The following CMYA5 variants were observed in gnomAD, a reference collection of about 807,000 sequenced individuals.
The protein encoded by CMYA5 is cardiomyopathy-associated protein 5.
Under a neutral mutation model 318.9 loss-of-function variants are expected in CMYA5, and 246 were observed. The observed-to-expected ratio is 0.77, with a 90% CI of 0.70 to 0.86. The LOEUF is 0.86. Ranked by LOEUF, CMYA5 falls within the 40% of genes least tolerant of loss-of-function variation. The probability of loss-of-function intolerance (pLI) is 0.00; values close to 1 mark genes in which losing one functional copy is unlikely to be tolerated. For synonymous variants in CMYA5, 1,641 were observed against 1,729.5 expected (o/e 0.95, Z 1.27); for missense variants, 4,589 against 4,678.2 (o/e 0.98, Z 0.56).
intron 3 of CMYA5, 99 bp from the exon 4 acceptor site, chr5:79,745,110 TGATCAGGATGCCA>T: frequency 1.5e-6 from 1 of 665,458 alleles, no homozygotes; most frequent in Non-Finnish European, 2.6e-6. Context: ...TCTGATTCTC[TGATCAGGATGCCA>T]GAGGTCAATT....
intron 1 of CMYA5, among the ~76,000 whole-genome samples, chr5:79,720,428 ATTTTTTTTT>A (rs1159659122): frequency 4.5e-5 from 2 of 44,850 alleles, no homozygotes; most frequent in Non-Finnish European, 8.7e-5. Context: ...TGCCAATCTA[ATTTTTTTTT>A]TTTTTTTTTT....
intron 2 of CMYA5, among the ~76,000 whole-genome samples, chr5:79,742,632 G>A (rs1828240958): frequency 6.6e-6 from 1 of 152,062 alleles, no homozygotes; most frequent in African/African-American, 2.4e-5. Context: ...CTCCTCCCCA[G>A]TCCATCCCCA....
At chr5:79,746,732 G>A (rs1414279237) in intron 4 of CMYA5, among the ~76,000 whole-genome samples, 1 of 152,060 alleles carries the variant, frequency 6.6e-6, no homozygotes, top group Non-Finnish European at 1.5e-5. Context: ...ATTCTATTCT[G>A]GAAGCTAAGC....
Position 79,735,346 on chromosome 5 carries a change from A to T in CMYA5, c.6581A>T (p.Asn2194Ile), listed in dbSNP as rs1561210891. 1 of 1,613,818 alleles carries T rather than the reference A, an allele frequency of 6.2e-7. No homozygotes were observed. The highest frequency in any genetic ancestry group is 8.5e-7 in the Non-Finnish European group (1 of 1,179,806). The change falls in exon 2 of 13, where the codon AAC becomes ATC. Residue 2194 changes from asparagine (N) to isoleucine (I), a missense_variant. Transcript: ENST00000446378. ...SLFFGSSTPD[N>I]KVAEQEDLET... Reference sequence around the variant, plus strand: ...TTTTTTGGATCGAGCACTCCAGATAACAAAGTTGCTGAACAAGAAGACTTA... The same window carrying T: ...TTTTTTGGATCGAGCACTCCAGATATCAAAGTTGCTGAACAAGAAGACTTA...
intron 9 of CMYA5, among the ~76,000 whole-genome samples, chr5:79,786,678 T>C (rs1829087397): frequency 6.6e-6 from 1 of 152,306 alleles, no homozygotes; most frequent in East Asian, 1.9e-4. Context: ...ATTCCAGAAT[T>C]TTTGAAGTTT....
At chr5:79,702,106 T>G (rs1054797986) in intron 1 of CMYA5, among the ~76,000 whole-genome samples, 5 of 150,240 alleles carry the variant, frequency 3.3e-5, no homozygotes, top group African/African-American at 1.2e-4. Flanking sequence ...TCCATCTCAA[T>G]AAAAAGAGAT....
intron 1 of CMYA5, among the ~76,000 whole-genome samples, chr5:79,712,704 C>T (rs1266728515): frequency 6.6e-6 from 1 of 152,078 alleles, no homozygotes; most frequent in East Asian, 1.9e-4. Flanking sequence ...CAAAAAATTG[C>T]TGGAAGGCCA....
rs753520668 is a variant in CMYA5 at position 79,789,013 on chromosome 5, C to G, written c.11598C>G (p.Leu3866=). ...AAGGACTCCAGCTGAAAGTTAACCT[C>G]CAACCCAATGATAACTACTTTTTCT... is the stretch of plus-strand genomic sequence containing the variant. The part of the protein sequence containing the change: ...GIKGLQLKVN[L]QPNDNYFFYV... The change falls in exon 10 of 13, where the codon CTC becomes CTG. Residue 3866 remains leucine (L), a synonymous_variant. Transcript: ENST00000446378. The G allele has an allele frequency of 3.7e-6, 6 of 1,613,840 alleles. No homozygotes were observed. The South Asian group carries it at 5.5e-5, about 15-fold the overall frequency.
intron 9 of CMYA5, among the ~76,000 whole-genome samples, chr5:79,784,670 G>T (rs1466633996): frequency 8.5e-6 from 1 of 118,298 alleles, no homozygotes; most frequent in Admixed American, 8.7e-5. Context: ...GGGTGGGAGT[G>T]ACCCGATTTT....
At chr5:79,777,682 G>A (rs1828962703) in intron 9 of CMYA5, among the ~76,000 whole-genome samples, 1 of 152,110 alleles carries the variant, frequency 6.6e-6, no homozygotes, top group South Asian at 2.1e-4. Flanking sequence ...GGCTGAGGCA[G>A]GAGAATTGTT....
At chr5:79,698,743 G>T (rs1827120820) in intron 1 of CMYA5, among the ~76,000 whole-genome samples, 1 of 152,134 alleles carries the variant, frequency 6.6e-6, no homozygotes, top group South Asian at 2.1e-4. Flanking sequence ...ATCGTTATCT[G>T]CAATTTTATT....
rs1457241966 is a variant in CMYA5, at chr5:79,733,294, C to T, written c.4529C>T (p.Ser1510Leu). The change falls in exon 2 of 13, where the codon TCA becomes TTA. Residue 1510 changes from serine to leucine, a missense_variant. Ser to Leu is a moderately radical substitution (Grantham distance 145, BLOSUM62 -2). Transcript: ENST00000446378. ...GTCTGTGACTCTGAACGTTTGGTTTCATCACAGAAGAAGAGCTTGATGTCT... is the reference window on the plus strand; with the variant it reads ...GTCTGTGACTCTGAACGTTTGGTTTTATCACAGAAGAAGAGCTTGATGTCT... ...STVCDSERLV[S>L]SQKKSLMSTS... 3.1e-6 allele frequency: 5 copies of T among 1,613,660 alleles called. No homozygotes were observed. Among genetic ancestry groups the T allele is most frequent in the Non-Finnish European group, 3.4e-6 (4 of 1,179,816 alleles).
chr5:79,744,568 G>A (rs140954250), intron 3 of CMYA5, among the ~76,000 whole-genome samples: 54 of 152,338 alleles, frequency 3.5e-4, no homozygotes, highest in African/African-American at 6.5e-4. Context: ...TACTGGGGCC[G>A]CTCCACATGC....
chr5:79,734,589 G>A lies in CMYA5; in HGVS notation c.5824G>A (p.Val1942Met). The part of the protein sequence containing the change: ...AVSSKDHTCE[V>M]RKQVLPHSAE... ...GTCCAGTAAGGACCATACATGTGAAGTGAGAAAGCAGGTCCTGCCGCATTC... is the reference window on the plus strand; with the variant it reads ...GTCCAGTAAGGACCATACATGTGAAATGAGAAAGCAGGTCCTGCCGCATTC... The change falls in exon 2 of 13, where the codon GTG (valine) becomes ATG (methionine). Residue 1942 changes from valine (V) to methionine (M), a missense_variant. Physicochemically the swap from Val to Met is conservative, Grantham distance 21. Around this residue, in one of 3 missense-constraint regions of CMYA5, gnomAD observed 2,431 missense variants for 2,495.1 expected, o/e 0.97. Coordinates refer to ENST00000446378, the MANE Select transcript of CMYA5 (RefSeq NM_153610.5). 1.2e-6 allele frequency: 2 copies of A among 1,613,882 alleles called. No homozygotes were observed. Among genetic ancestry groups the A allele is most frequent in the Non-Finnish European group, 1.7e-6 (2 of 1,179,834 alleles).
chr5:79,777,228 A>G (rs1265786787), intron 9 of CMYA5, among the ~76,000 whole-genome samples: 2 of 152,218 alleles, frequency 1.3e-5, no homozygotes, highest in African/African-American at 4.8e-5. Context: ...AAAAAGATAC[A>G]AAAGAGAATA....
chr5:79,738,289 T>C lies in CMYA5; in HGVS notation c.9524T>C (p.Ile3175Thr), dbSNP rs1561213678. The C allele has an allele frequency of 4.3e-6, 7 of 1,613,400 alleles. No individual in the cohort carries two copies. The highest frequency in any genetic ancestry group is 2.7e-5 in the African/African-American group (2 of 74,856). Residue 3175 changes from isoleucine to threonine, a missense_variant, in exon 2 of 13, where the codon ATT (isoleucine) becomes ACT (threonine). Ile to Thr is a moderately conservative substitution (Grantham distance 89). Transcript: ENST00000446378. Reference sequence around the variant, plus strand: ...CGAACCCAGATATTTCCTACCACTATTAAAGTCATTGATCCAGAATTTCTG... The same window carrying C: ...CGAACCCAGATATTTCCTACCACTACTAAAGTCATTGATCCAGAATTTCTG... Reference protein sequence around the residue: ...LSRTQIFPTTIKVIDPEFLEE... With the variant: ...LSRTQIFPTTTKVIDPEFLEE...
intron 5 of CMYA5, among the ~76,000 whole-genome samples, chr5:79,749,009 C>G (rs1470943977): frequency 6.6e-6 from 1 of 152,086 alleles, no homozygotes; most frequent in Non-Finnish European, 1.5e-5. Flanking sequence ...ATGTTTTTAC[C>G]TTTCTAACCA....
At chr5:79,721,617 T>C (rs1827641506) in intron 1 of CMYA5, among the ~76,000 whole-genome samples, 1 of 152,136 alleles carries the variant, frequency 6.6e-6, no homozygotes, top group African/African-American at 2.4e-5. Flanking sequence ...AAATGATATA[T>C]ATGGATGGAT....
rs1827967447 is a variant in CMYA5, at chr5:79,733,437, A to T, written c.4672A>T (p.Ile1558Phe). 2 of 1,613,858 alleles carry T rather than the reference A, an allele frequency of 1.2e-6. No individual in the cohort carries two copies. The highest frequency in any genetic ancestry group is 1.7e-6 in the Non-Finnish European group (2 of 1,179,824). Residue 1558 changes from isoleucine (I) to phenylalanine (F), a missense_variant, in exon 2 of 13, where the codon ATC (isoleucine) becomes TTC (phenylalanine). Physicochemically the swap from Ile to Phe is conservative, Grantham distance 21 (BLOSUM62 0). This residue lies in a region of CMYA5 where 2,132 missense variants were observed against 2,131.3 expected (regional missense o/e 1.00). Coordinates refer to ENST00000446378, the MANE Select transcript of CMYA5 (RefSeq NM_153610.5). ...TGTGTCACCTGCATCCAAACATATA[A>T]TCCCAAAAGGCAAAGATGAGGAAAC... ...QNVSPASKHI[I>F]PKGKDEETAS... is the part of the protein sequence containing the mutation.
Sources: allele counts gnomAD v4.1 joint callset (sites outside exome capture counted in the v4.1 genomes callset), GRCh38; gene constraint gnomAD v4.1.1; regional missense constraint gnomAD v4.1.1; transcripts MANE v1.5; gene names NCBI Gene and HGNC (gene_info 2026-07-23, HGNC 2026-07-21).